RAD51B: variants seen among roughly 807,000 people sequenced by gnomAD.
RAD51B encodes the protein RAD51 paralog B, also known as DNA repair protein RAD51 homolog 2.
Under a neutral mutation model 42.2 loss-of-function variants are expected in RAD51B, and 38 were observed. The ratio of observed to expected loss-of-function variants is 0.90; its 90% confidence interval spans 0.70 to 1.18. The LOEUF is 1.18. RAD51B is among the 50% of genes most tolerant of loss of function. The pLI, the probability that RAD51B is intolerant of heterozygous loss-of-function variation, is 0.00. For synonymous variants in RAD51B, 154 were observed against 145.2 expected, an observed-to-expected ratio of 1.06 and a Z score of -0.43; for missense variants, 373 against 400.7, an observed-to-expected ratio of 0.93 and a Z score of 0.59.
intron 9 of RAD51B, among the ~76,000 whole-genome samples, chr14:68,436,485 AT>A (rs1436662670): frequency 6.6e-6 from 1 of 152,034 alleles, no homozygotes; most frequent in Admixed American, 6.6e-5. Context: ...TCTGCTTAGG[AT>A]TGCTTTGTCT....
intron 7 of RAD51B, among the ~76,000 whole-genome samples, chr14:67,993,316 C>T (rs893870221): frequency 3.3e-5 from 5 of 152,146 alleles, no homozygotes; most frequent in African/African-American, 1.2e-4. Context: ...TTTGTAGCCA[C>T]TAACTATCCC....
At chr14:68,469,252 C>T in intron 10 of RAD51B, 1 of 294,228 alleles carries the variant, frequency 3.4e-6, no homozygotes, top group African/African-American at 2.1e-5. Flanking sequence ...CTGTAATTTC[C>T]CCATGGAGAC....
chr14:67,869,473 A>C (rs1251958201), intron 5 of RAD51B, among the ~76,000 whole-genome samples: 11 of 152,164 alleles, frequency 7.2e-5, no homozygotes, highest in Non-Finnish European at 1.3e-4. Context: ...GTGTACCTGA[A>C]AGTGACGGGG....
At chr14:68,063,218 A>G (rs1233499762) in intron 7 of RAD51B, among the ~76,000 whole-genome samples, 2 of 151,372 alleles carry the variant, frequency 1.3e-5, no homozygotes, top group Non-Finnish European at 2.9e-5. Context: ...TTAAGTCTCT[A>G]TTTTGTTTAT....
At chr14:68,477,341 T>C (rs1024762656) in intron 10 of RAD51B, among the ~76,000 whole-genome samples, 7 of 152,192 alleles carry the variant, frequency 4.6e-5, no homozygotes, top group Admixed American at 2.0e-4. Flanking sequence ...CAGGGGAAAC[T>C]TGGGGGTCAT....
intron 7 of RAD51B, among the ~76,000 whole-genome samples, chr14:68,187,000 A>G (rs1324268666): frequency 6.6e-6 from 1 of 152,240 alleles, no homozygotes; most frequent in African/African-American, 2.4e-5. Context: ...TATGGTACAT[A>G]TAGACCATGG....
At chr14:68,328,236 A>G (rs975751745) in intron 8 of RAD51B, among the ~76,000 whole-genome samples, 4 of 152,168 alleles carry the variant, frequency 2.6e-5, no homozygotes, top group Admixed American at 6.5e-5. Flanking sequence ...TATGGGAACA[A>G]TTTCTCTAAT....
intron 10 of RAD51B, among the ~76,000 whole-genome samples, chr14:68,487,260 C>CCT (rs1883701282): frequency 6.6e-6 from 1 of 152,206 alleles, no homozygotes; most frequent in Non-Finnish European, 1.5e-5. Context: ...GACGTCATCT[C>CCT]TCTGTGTCCT....
At chr14:67,923,860 C>G (rs1595114010) in intron 7 of RAD51B, among the ~76,000 whole-genome samples, 1 of 152,138 alleles carries the variant, frequency 6.6e-6, no homozygotes, top group East Asian at 1.9e-4. Context: ...AAAAGTGTTC[C>G]CTTTTCACCA....
At chr14:68,543,592 G>T (rs1272600275) in intron 10 of RAD51B, among the ~76,000 whole-genome samples, 2 of 152,184 alleles carry the variant, frequency 1.3e-5, no homozygotes. Flanking sequence ...TTTGTCTTGA[G>T]TTGGAACTAG....
At chr14:68,028,655 T>C (rs1388735702) in intron 7 of RAD51B, among the ~76,000 whole-genome samples, 1 of 152,154 alleles carries the variant, frequency 6.6e-6, no homozygotes, top group East Asian at 1.9e-4. Flanking sequence ...GGAAATGTAC[T>C]CAAGAGGAGC....
At chr14:68,680,800 T>C (rs1893411321) in intron 11 of RAD51B, among the ~76,000 whole-genome samples, 1 of 152,166 alleles carries the variant, frequency 6.6e-6, no homozygotes, top group East Asian at 1.9e-4. Flanking sequence ...TCAATTCAGA[T>C]ACCTGAGCGT....
In RAD51B at chr14:68,503,447, C is replaced by G. The variant is rs74952690; in HGVS notation, c.1036+35197C>G. ...CTTCCCCCTCCTCCAGAGGCTGATG[C>G]TACAGAGAAGGCGGCAAGGCCTCAC... is the stretch of plus-strand genomic sequence containing the variant. On this transcript the variant is annotated intron_variant, in intron 10 of 10. Coordinates refer to the RAD51B transcript ENST00000487270. Among the ~76,000 whole-genome samples the G allele has an allele frequency of 7.2e-3, 1,098 of 152,274 alleles. 14 individuals carry two copies. The highest frequency in any genetic ancestry group is 0.026 in the African/African-American group (1,071 of 41,544).
rs539768650 is a variant in RAD51B, at chr14:68,359,343, T to C, written c.854-52081T>C. 1.1e-4 allele frequency among the ~76,000 whole-genome samples: 17 copies of C among 152,256 alleles called. No homozygotes were observed. The South Asian group carries it at 3.1e-3, about 28-fold the overall frequency. On this transcript the variant is annotated intron_variant, in intron 8 of 10. Transcript: ENST00000471583. ...TCATAAAGTCTCCCTTTCTGGGTGA[T>C]TGGATTCCTTTAGCTCAGGGGCAAG...
At chr14:68,011,937 G>C (rs2075691087) in intron 7 of RAD51B, among the ~76,000 whole-genome samples, 2 of 152,084 alleles carry the variant, frequency 1.3e-5, no homozygotes, top group African/African-American at 4.8e-5. Flanking sequence ...CTAAAGGTTA[G>C]AAGTGTTCAG....
At chr14:68,421,624 A>C in intron 9 of RAD51B, 1 of 1,211,660 alleles carries the variant, frequency 8.3e-7, no homozygotes, top group Non-Finnish European at 1.2e-6. Flanking sequence ...TACTGCGAGC[A>C]AACGGGGTGG....
At chr14:68,055,716 A>C (rs1009311948) in intron 7 of RAD51B, among the ~76,000 whole-genome samples, 3 of 152,206 alleles carry the variant, frequency 2.0e-5, no homozygotes, top group African/African-American at 7.2e-5. Context: ...TAGGTTAATG[A>C]AACACGCATC....
chr14:68,383,927 A>G (rs1486615759), intron 8 of RAD51B, among the ~76,000 whole-genome samples: 1 of 152,200 alleles, frequency 6.6e-6, no homozygotes, highest in Non-Finnish European at 1.5e-5. Flanking sequence ...CTATGTGTCA[A>G]TCCCAAGGAC....
chr14:68,585,764 C>T (rs989978107), intron 10 of RAD51B, among the ~76,000 whole-genome samples: 1 of 152,170 alleles, frequency 6.6e-6, no homozygotes, highest in Non-Finnish European at 1.5e-5. Flanking sequence ...CCAGCAGCTC[C>T]GGAAAGACGT....
Sources: allele counts gnomAD v4.1 joint callset (sites outside exome capture counted in the v4.1 genomes callset), GRCh38; gene constraint gnomAD v4.1.1; transcripts MANE v1.5; gene names NCBI Gene and HGNC (gene_info 2026-07-23, HGNC 2026-07-21).